ABCB5: variants seen among roughly 807,000 people sequenced by gnomAD.
ABCB5 encodes ATP-binding cassette sub-family B member 5.
ABCB5 carries 155 observed loss-of-function variants against 144.2 expected under a neutral mutation model. The observed-to-expected ratio is 1.08, with a 90% confidence interval of 0.94 to 1.23. The LOEUF is 1.23. Among genes scored for constraint, ABCB5 ranks in the 50% most tolerant of loss-of-function variants. ABCB5 has a pLI of 0.00. For synonymous variants in ABCB5, 610 were observed against 528.6 expected, an observed-to-expected ratio of 1.15 and a Z score of -2.11; for missense variants, 1,830 against 1,520.8, an observed-to-expected ratio of 1.20 and a Z score of -3.38.
intron 13 of ABCB5, 23 bp downstream of exon 13, chr7:20,651,646 G>C: frequency 6.2e-7 from 1 of 1,611,440 alleles, no homozygotes; most frequent in Non-Finnish European, 8.5e-7. Context: ...TGCAGCCTGT[G>C]TCCTTAGCTT....
At chr7:20,621,328 T>C (rs1783801537) in intron 1 of ABCB5, among the ~76,000 whole-genome samples, 1 of 152,126 alleles carries the variant, frequency 6.6e-6, no homozygotes, top group South Asian at 2.1e-4. Flanking sequence ...TATACAACAT[T>C]GAGTATGCAC....
intron 23 of ABCB5, among the ~76,000 whole-genome samples, chr7:20,732,867 T>G (rs1436033742): frequency 6.6e-6 from 1 of 152,242 alleles, no homozygotes; most frequent in African/African-American, 2.4e-5. Flanking sequence ...GTCACTTTCA[T>G]GCCTGCAAAT....
chr7:20,634,110 G>C (rs1412609548), intron 5 of ABCB5, among the ~76,000 whole-genome samples: 2 of 151,578 alleles, frequency 1.3e-5, no homozygotes, highest in African/African-American at 2.4e-5. Flanking sequence ...TTATAAGTGA[G>C]AACTTGTGGT....
intron 20 of ABCB5, 144 bp downstream of exon 20, chr7:20,704,951 T>C (rs1162344411): frequency 3.9e-6 from 2 of 509,204 alleles, no homozygotes; most frequent in East Asian, 6.8e-5. Context: ...GGTTAACAGG[T>C]AACTCTCAGT....
intron 20 of ABCB5, 27 bp from the exon 21 acceptor site, chr7:20,722,989 T>C (rs1054972820): frequency 1.4e-5 from 23 of 1,608,442 alleles, no homozygotes; most frequent in Middle Eastern, 1.7e-4. Context: ...AATTGAGTTT[T>C]TTCCCCCAAA....
chr7:20,658,725 G>A lies in ABCB5; in HGVS notation c.1707+49G>A, dbSNP rs115925297. On this transcript the variant is annotated intron_variant, in intron 14 of 27. Transcript: ENST00000404938. ...ATTTCCATACTCCTGGTTCATTATT[G>A]TTTTGAAGTACAAGAAAGTATAGAT... 291 of 1,592,484 alleles carry A rather than the reference G, an allele frequency of 1.8e-4. 1 individual carries two copies. The African/African-American group carries it at 3.4e-3, about 19-fold the overall frequency.
rs752979802 is a variant in ABCB5, at chr7:20,658,546, G to A, written c.1577G>A (p.Ser526Asn). 6.2e-7 allele frequency: 1 copy of A among 1,614,150 alleles called. No individual in the cohort carries two copies. Among genetic ancestry groups the A allele is most frequent in the Non-Finnish European group, 8.5e-7 (1 of 1,180,022 alleles). The change falls in exon 14 of 28, where the codon AGT (serine) becomes AAT (asparagine). Residue 526 changes from serine (S) to asparagine (N), a missense_variant. Transcript: ENST00000404938. ...GTAGGGGAAAAAGGAGCTCAAATGA[G>A]TGGAGGGCAGAAACAGAGGATCGCA... The part of the protein sequence containing the change: ...TLVGEKGAQM[S>N]GGQKQRIAIA...
chr7:20,702,122 ATTACT>A (rs1786649281), intron 19 of ABCB5, among the ~76,000 whole-genome samples: 1 of 152,214 alleles, frequency 6.6e-6, no homozygotes, highest in African/African-American at 2.4e-5. Flanking sequence ...ATTTTATGTG[ATTACT>A]TTAGATTCTT....
At chr7:20,671,418 T>C (rs1785456427) in intron 14 of ABCB5, among the ~76,000 whole-genome samples, 2 of 152,232 alleles carry the variant, frequency 1.3e-5, no homozygotes, top group Non-Finnish European at 2.9e-5. Context: ...AAAATCTAGA[T>C]AGTCAGCCAT....
chr7:20,690,710 T>C (rs568749000), intron 16 of ABCB5, among the ~76,000 whole-genome samples: 1 of 151,934 alleles, frequency 6.6e-6, no homozygotes, highest in Non-Finnish European at 1.5e-5. Context: ...TATAGATGGA[T>C]AAAAGAGTAG....
intron 4 of ABCB5, among the ~76,000 whole-genome samples, 194 bp downstream of exon 4, chr7:20,629,032 G>T (rs1214604821): frequency 1.3e-5 from 2 of 151,114 alleles, no homozygotes; most frequent in East Asian, 3.9e-4. Context: ...GTCTATAATT[G>T]AATTAAAATA....
At chr7:20,624,431 G>A (rs1783864642) in intron 2 of ABCB5, among the ~76,000 whole-genome samples, 1 of 152,166 alleles carries the variant, frequency 6.6e-6, no homozygotes, top group South Asian at 2.1e-4. Flanking sequence ...AAACTAACAG[G>A]TCAGTAGCAA....
At position 20,728,339 on chromosome 7, in the gene ABCB5, T is replaced by G. The variant is rs760092060; in HGVS notation, c.2751T>G (p.Ile917Met). ...GAAATACCTCGAAGAAAGCACAGAT[T>G]ATTGGAAGCTGTTATGCATTCAGCC... ...QHRNTSKKAQ[I>M]IGSCYAFSHA... Residue 917 changes from isoleucine to methionine, a missense_variant, in exon 23 of 28, where the codon ATT becomes ATG. Transcript: ENST00000404938. 2 of 1,613,976 alleles carry G rather than the reference T, an allele frequency of 1.2e-6. No homozygotes were observed. Among genetic ancestry groups the G allele is most frequent in the East Asian group, 2.2e-5 (1 of 44,890 alleles).
intron 15 of ABCB5, 80 bp downstream of exon 15, chr7:20,681,746 C>T (rs1366076766): frequency 2.0e-6 from 3 of 1,497,364 alleles, no homozygotes; most frequent in Non-Finnish European, 8.9e-7. Context: ...ACAAAAGTTG[C>T]AAATTATAAT....
chr7:20,620,044 A>G (rs1583371638), intron 1 of ABCB5, among the ~76,000 whole-genome samples: 1 of 152,114 alleles, frequency 6.6e-6, no homozygotes, highest in East Asian at 1.9e-4. Context: ...CTCTTTTTGC[A>G]CCAATACCAT....
At chr7:20,645,040 T>C (rs557083680) in intron 7 of ABCB5, among the ~76,000 whole-genome samples, 2 of 152,190 alleles carry the variant, frequency 1.3e-5, no homozygotes, top group Non-Finnish European at 2.9e-5. Context: ...CAGTGGGTAG[T>C]CTAAATTCTA....
In ABCB5 at chr7:20,698,565, T is replaced by C. The variant is rs1306375767; in HGVS notation, c.2154+15T>C. 1 of 1,581,834 alleles carries C rather than the reference T, an allele frequency of 6.3e-7. No homozygotes were observed. Among genetic ancestry groups the C allele is most frequent in the Admixed American group, 1.9e-5 (1 of 52,206 alleles). On this transcript the variant is annotated intron_variant, in intron 17 of 27. Transcript: ENST00000404938. ...AAATTATAACCGTAAGTAAAATAAA[T>C]TTGCTAATACTTTCAGCAATTTAAA... is the stretch of plus-strand genomic sequence containing the variant.
Position 20,745,404 on chromosome 7 carries a change from C to G in ABCB5, c.3395C>G (p.Ala1132Gly), listed in dbSNP as rs1191412405. Residue 1132 changes from alanine to glycine, a missense_variant, in exon 26 of 28, where the codon GCA becomes GGA. By Grantham distance (60) the Ala-to-Gly change is moderately conservative. Coordinates refer to ENST00000404938, the MANE Select transcript of ABCB5 (RefSeq NM_001163941.2). ...GAGATCAAAGAAGCCGCAAATGCAG[C>G]AAATATCCATTCTTTTATTGAAGGT... ...LDEIKEAANA[A>G]NIHSFIEGLP... 2 of 1,614,160 alleles carry G rather than the reference C, an allele frequency of 1.2e-6. No individual in the cohort carries two copies. The highest frequency in any genetic ancestry group is 1.7e-6 in the Non-Finnish European group (2 of 1,180,032).
chr7:20,676,525 A>G (rs1191428567), intron 14 of ABCB5, among the ~76,000 whole-genome samples: 2 of 152,208 alleles, frequency 1.3e-5, no homozygotes, highest in African/African-American at 4.8e-5. Flanking sequence ...TTTCTCTTAA[A>G]TGAGGTGTCT....
Sources: gnomAD v4.1 joint callset for allele counts (sites outside exome capture counted in the v4.1 genomes callset) on GRCh38, gnomAD v4.1.1 for gene constraint, MANE v1.5 for transcripts, NCBI Gene and HGNC (gene_info 2026-07-23, HGNC 2026-07-21) for gene names.